CLIC4: variants seen among roughly 807,000 people sequenced by gnomAD.
CLIC4 encodes the protein CLIC family member 4, also known as chloride intracellular channel protein 4.
CLIC4 carries 13 observed loss-of-function variants against 24.6 expected under a neutral mutation model. That is an observed-to-expected ratio of 0.53 (90% CI 0.34 to 0.84). The LOEUF is 0.84. Among genes scored for constraint, CLIC4 ranks in the 40% least tolerant of loss-of-function variants. The pLI is 0.01. For synonymous variants in CLIC4, 104 were observed against 111.3 expected (o/e 0.93, Z 0.41); for missense variants, 227 against 301.7 (o/e 0.75, Z 1.83).
At chr1:24,777,712 G>C (rs1192898159) in intron 1 of CLIC4, among the ~76,000 whole-genome samples, 1 of 152,082 alleles carries the variant, frequency 6.6e-6, no homozygotes, top group Non-Finnish European at 1.5e-5. Context: ...TGTCTAGTTT[G>C]AGTTGAGATG....
chr1:24,788,358 C>T (rs1012264677), intron 1 of CLIC4, among the ~76,000 whole-genome samples: 6 of 152,176 alleles, frequency 3.9e-5, no homozygotes, highest in Non-Finnish European at 8.8e-5. Flanking sequence ...GCAGTCACTC[C>T]TCTTCCCCAT....
intron 2 of CLIC4, 142 bp from the exon 3 acceptor site, chr1:24,813,952 A>G: frequency 2.3e-6 from 2 of 875,404 alleles, no homozygotes; most frequent in Admixed American, 2.3e-5. Flanking sequence ...CTCCTGGGCT[A>G]AGCAGTGTCC....
At chr1:24,820,789 A>G (rs1028659570) in intron 3 of CLIC4, among the ~76,000 whole-genome samples, 1 of 152,244 alleles carries the variant, frequency 6.6e-6, no homozygotes, top group Non-Finnish European at 1.5e-5. Flanking sequence ...TCTTCCAAGT[A>G]TATATAAGTT....
Position 24,748,499 on chromosome 1 carries a change from G to GTTTTTTTT in CLIC4, c.72+2890_72+2897dup, listed in dbSNP as rs869153638. Among the ~76,000 whole-genome samples the GTTTTTTTT allele has an allele frequency of 3.2e-3, 256 of 80,506 alleles. 11 individuals are homozygous for GTTTTTTTT. The highest frequency in any genetic ancestry group is 3.6e-3 in the South Asian group (7 of 1,962). 52.8% of individuals were successfully genotyped at this position (80,506 alleles called of 152,430 possible). A position where few individuals can be genotyped will look rare whatever the true frequency, so the allele number is the denominator to read the frequency against. On this transcript the variant is annotated intron_variant, in intron 1 of 5. Coordinates refer to ENST00000374379, the MANE Select transcript of CLIC4 (RefSeq NM_013943.3). ...TGCACTGATACAGATCAGGTTTTTT[G>GTTTTTTTT]TTTTTTTTTTTTTTTTTTTTTTTAA...
intron 1 of CLIC4, among the ~76,000 whole-genome samples, chr1:24,754,830 G>A (rs1173842320): frequency 4.6e-5 from 7 of 152,128 alleles, no homozygotes; most frequent in African/African-American, 1.4e-4. Context: ...CCAGCACTTT[G>A]GGAGACCGAG....
chr1:24,841,916 A>G lies in CLIC4; in HGVS notation c.*979A>G, dbSNP rs1163842013. The G allele has an allele frequency of 6.6e-6, 1 of 152,640 alleles. No individual in the cohort carries two copies. Among genetic ancestry groups the G allele is most frequent in the Non-Finnish European group, 1.5e-5 (1 of 68,016 alleles). 9.5% of individuals were successfully genotyped at this position (152,640 alleles called of 1,614,324 possible). On this transcript the variant is annotated 3_prime_UTR_variant, in exon 6 of 6. Transcript: ENST00000374379. ...AACACAGAAATTAACCTAAGGAATGAAGGGTGGGTTTGTCAAAATATCAAG... is the reference window on the plus strand; with the variant it reads ...AACACAGAAATTAACCTAAGGAATGGAGGGTGGGTTTGTCAAAATATCAAG...
intron 1 of CLIC4, among the ~76,000 whole-genome samples, chr1:24,789,258 C>G (rs942943479): frequency 1.3e-5 from 2 of 152,246 alleles, no homozygotes; most frequent in African/African-American, 4.8e-5. Context: ...AGGCTCACGC[C>G]TGTAATCCCA....
chr1:24,838,156 A>G (rs971176876), intron 4 of CLIC4, among the ~76,000 whole-genome samples: 1 of 152,124 alleles, frequency 6.6e-6, no homozygotes, highest in Non-Finnish European at 1.5e-5. Context: ...GGGAGTCTTT[A>G]GTTTGTTGAC....
chr1:24,799,648 G>A (rs1427405901), intron 2 of CLIC4, among the ~76,000 whole-genome samples: 1 of 129,966 alleles, frequency 7.7e-6, no homozygotes, highest in African/African-American at 3.2e-5. Flanking sequence ...GGAGGGAGGT[G>A]GGGGGGGTCA....
chr1:24,794,184 A>G (rs1639371094), intron 1 of CLIC4, among the ~76,000 whole-genome samples: 1 of 152,174 alleles, frequency 6.6e-6, no homozygotes, highest in African/African-American at 2.4e-5. Context: ...AGAATGATTT[A>G]TATTCCTTTG....
intron 2 of CLIC4, among the ~76,000 whole-genome samples, chr1:24,799,497 CACCCCATCT>C (rs1639449346): frequency 6.6e-6 from 1 of 150,444 alleles, no homozygotes; most frequent in Admixed American, 6.6e-5. Context: ...ACCCGGCAGC[CACCCCATCT>C]GGGAAGTGAG....
chr1:24,831,614 T>C (rs1361058237), intron 4 of CLIC4, among the ~76,000 whole-genome samples: 3 of 152,176 alleles, frequency 2.0e-5, no homozygotes, highest in African/African-American at 7.2e-5. Context: ...ATGTTCTTGT[T>C]CTGCATTCAC....
rs1639952384 is a variant in CLIC4, at chr1:24,842,388, A to G, written c.*1451A>G. 6.6e-6 allele frequency: 1 copy of G among 152,156 alleles called. No homozygotes were observed. 9.4% of individuals were successfully genotyped at this position (152,156 alleles called of 1,614,324 possible). On this transcript the variant is annotated 3_prime_UTR_variant, in exon 6 of 6. Coordinates refer to ENST00000374379, the MANE Select transcript of CLIC4 (RefSeq NM_013943.3). ...AAGACTGTGATTGTGACTATAATAC[A>G]TTTTTGGTAATTTTTTTATACCTAA...
intron 1 of CLIC4, among the ~76,000 whole-genome samples, chr1:24,761,166 G>A (rs748515847): frequency 1.6e-4 from 25 of 152,168 alleles, no homozygotes; most frequent in Non-Finnish European, 3.4e-4. Context: ...AGGTGGAAAA[G>A]GCTGTGGGAA....
chr1:24,777,815 G>A (rs1193855802), intron 1 of CLIC4: 4 of 152,158 alleles, frequency 2.6e-5, no homozygotes, highest in Non-Finnish European at 5.9e-5. Flanking sequence ...GTTGAATGAT[G>A]TTAGATATAT....
chr1:24,820,909 C>T (rs967478780), intron 3 of CLIC4, among the ~76,000 whole-genome samples: 21 of 152,222 alleles, frequency 1.4e-4, no homozygotes, highest in Admixed American at 3.9e-4. Context: ...TTGGGCTGGG[C>T]GCGGTGGCTC....
intron 1 of CLIC4, among the ~76,000 whole-genome samples, chr1:24,763,999 A>G (rs978641251): frequency 8.5e-5 from 13 of 152,246 alleles, no homozygotes; most frequent in African/African-American, 2.4e-4. Flanking sequence ...GTCTTATTGA[A>G]TGAGTAAATG....
chr1:24,770,214 A>C (rs1639054587), intron 1 of CLIC4, among the ~76,000 whole-genome samples: 1 of 152,126 alleles, frequency 6.6e-6, no homozygotes, highest in Non-Finnish European at 1.5e-5. Context: ...AAGTTTAACA[A>C]AAATCATATA....
At chr1:24,797,602 A>C in intron 1 of CLIC4, 140 bp from the exon 2 acceptor site, 1 of 544,010 alleles carries the variant, frequency 1.8e-6, no homozygotes, top group Non-Finnish European at 3.2e-6. Context: ...CAAAATAATA[A>C]AGACCCAAAT....
Sources: allele counts gnomAD v4.1 joint callset (sites outside exome capture counted in the v4.1 genomes callset), GRCh38; gene constraint gnomAD v4.1.1; transcripts MANE v1.5; gene names NCBI Gene and HGNC (gene_info 2026-07-23, HGNC 2026-07-21).